Variants in ENKUR observed in about 807,000 individuals in gnomAD.
ENKUR encodes the protein enkurin.
ENKUR carries 19 observed loss-of-function variants against 27.6 expected under a neutral mutation model. That is an observed-to-expected ratio of 0.69 (90% confidence interval 0.48 to 1.01). The LOEUF (loss-of-function observed/expected upper bound fraction) is 1.01, where lower values mean the gene tolerates loss of function less well. ENKUR is among the 50% of genes least tolerant of loss of function. The pLI is 0.00. For missense variants in ENKUR, 312 were observed against 310.5 expected (o/e 1.00, Z -0.04); for synonymous variants, 117 against 96.9 (o/e 1.21, Z -1.22).
At chr10:25,037,415 T>C (rs1056930212) in intron 2 of ENKUR, among the ~76,000 whole-genome samples, 15 of 152,300 alleles carry the variant, frequency 9.8e-5, no homozygotes, top group African/African-American at 3.1e-4. Flanking sequence ...GCAGAGAAAT[T>C]CTGGCTTGGA....
At chr10:25,011,741 A>G (rs1382721227) in intron 1 of ENKUR, among the ~76,000 whole-genome samples, 1 of 152,386 alleles carries the variant, frequency 6.6e-6, no homozygotes, top group East Asian at 1.9e-4. Flanking sequence ...ATGGCAACTT[A>G]TGTTTAAAAG....
chr10:24,999,441 A>G lies in ENKUR; in HGVS notation c.183T>C (p.Asp61=). The G allele has an allele frequency of 6.2e-7, 1 of 1,612,472 alleles. No individual in the cohort carries two copies. The highest frequency in any genetic ancestry group is 8.5e-7 in the Non-Finnish European group (1 of 1,179,542). Residue 61 remains aspartate (D), a synonymous_variant, in exon 2 of 6, where the codon GAT becomes GAC. Transcript: ENST00000331161. ...PAKVEVPSPK[D]FLKKHSKEKT... ...TTTCCTTTGAATGTTTCTTTAGGAA[A>G]TCCTTTGGAGAAGGTACTTCAACTT...
intron 2 of ENKUR, among the ~76,000 whole-genome samples, chr10:25,057,769 T>C (rs552374097): frequency 6.6e-6 from 1 of 152,052 alleles, no homozygotes; most frequent in Non-Finnish European, 1.5e-5. Flanking sequence ...TTGACCAGCA[T>C]TTTTTGTTTA....
upstream of ENKUR, among the ~76,000 whole-genome samples, chr10:25,019,345 G>A (rs1253936502): frequency 1.3e-5 from 2 of 152,060 alleles, no homozygotes; most frequent in African/African-American, 4.8e-5. Context: ...GTGGTGGTGC[G>A]TGCCTTTAGT....
At chr10:25,006,824 A>G (rs1178565666) in intron 1 of ENKUR, among the ~76,000 whole-genome samples, 1 of 152,156 alleles carries the variant, frequency 6.6e-6, no homozygotes, top group African/African-American at 2.4e-5. Flanking sequence ...TTGGTATTAG[A>G]TTTGTGTCTC....
chr10:24,990,679 T>C (rs1588648555), intron 3 of ENKUR, 70 bp from the exon 4 acceptor site: 3 of 1,407,298 alleles, frequency 2.1e-6, no homozygotes, highest in East Asian at 4.6e-5. Flanking sequence ...ACGTATCAAC[T>C]GATGATGGAA....
Position 24,983,672 on chromosome 10 carries a change from G to C in ENKUR, c.*698C>G, listed in dbSNP as rs1381275918. 6.6e-6 allele frequency: 1 copy of C among 151,936 alleles called. No homozygotes were observed. Among genetic ancestry groups the C allele is most frequent in the South Asian group, 2.1e-4 (1 of 4,802 alleles). 9.4% of individuals were successfully genotyped at this position (151,936 alleles called of 1,614,324 possible). On this transcript the variant is annotated 3_prime_UTR_variant, in exon 6 of 6. Coordinates refer to ENST00000331161, the MANE Select transcript of ENKUR (RefSeq NM_145010.4). ...TAACCAAAATAAGCTTTTCTATAAG[G>C]CTTCCAAATTCTGTGTTTGTGAAAA...
intron 1 of ENKUR, among the ~76,000 whole-genome samples, chr10:25,014,775 A>G (rs1431877567): frequency 1.3e-5 from 2 of 152,314 alleles, no homozygotes; most frequent in South Asian, 4.1e-4. Context: ...CTAGATGTTG[A>G]TATGCTAATG....
In ENKUR at chr10:24,984,194, T is replaced by C. The variant is rs1849728062; in HGVS notation, c.*176A>G. ...TCATCATATACAGTGTTACGAATAC[T>C]GAAAATATTTCTCACTGGGAATAAC... On this transcript the variant is annotated 3_prime_UTR_variant, in exon 6 of 6. Coordinates refer to ENST00000331161, the MANE Select transcript of ENKUR (RefSeq NM_145010.4). 2 of 634,986 alleles carry C rather than the reference T, an allele frequency of 3.1e-6. No individual in the cohort carries two copies. The highest frequency in any genetic ancestry group is 1.8e-5 in the African/African-American group (1 of 54,914). The allele number at this position is 634,986 out of a possible 1,614,324, so 39.3% of individuals were successfully genotyped here. A position where few individuals can be genotyped will look rare whatever the true frequency, so the allele number is the denominator to read the frequency against.
intron 1 of ENKUR, among the ~76,000 whole-genome samples, chr10:25,003,004 C>T (rs1850223964): frequency 6.6e-6 from 1 of 151,692 alleles, no homozygotes; most frequent in African/African-American, 2.4e-5. Context: ...GGTATATGAA[C>T]TGAAAGCCTG....
At chr10:25,041,289 C>A (rs1375461331) in intron 2 of ENKUR, among the ~76,000 whole-genome samples, 1 of 152,096 alleles carries the variant, frequency 6.6e-6, no homozygotes, top group Non-Finnish European at 1.5e-5. Flanking sequence ...TGTCCTGTGT[C>A]TTTTTTTCCT....
At chr10:25,034,723 AGTAAT>A (rs755138828) in intron 2 of ENKUR, among the ~76,000 whole-genome samples, 2 of 152,314 alleles carry the variant, frequency 1.3e-5, no homozygotes, top group East Asian at 1.9e-4. Flanking sequence ...TCTCTATTAA[AGTAAT>A]GTAATGTAAT....
chr10:24,988,250 A>ATG (rs1554768756), intron 4 of ENKUR, among the ~76,000 whole-genome samples: 3 of 140,292 alleles, frequency 2.1e-5, no homozygotes. Flanking sequence ...ATATATATAT[A>ATG]TGTGTATATA....
chr10:25,058,930 T>TAA (rs67424973), intron 2 of ENKUR, among the ~76,000 whole-genome samples: 2 of 137,584 alleles, frequency 1.5e-5, no homozygotes, highest in African/African-American at 2.7e-5. Flanking sequence ...GACTCCATCT[T>TAA]AAAAAAAAAA....
chr10:25,050,766 G>C (rs1851179684), intron 2 of ENKUR, among the ~76,000 whole-genome samples: 1 of 152,110 alleles, frequency 6.6e-6, no homozygotes, highest in South Asian at 2.1e-4. Flanking sequence ...CTTAAAAGGA[G>C]GTAATGCTGT....
intron 3 of ENKUR, among the ~76,000 whole-genome samples, chr10:24,993,317 G>A (rs1410163533): frequency 6.6e-6 from 1 of 152,092 alleles, no homozygotes; most frequent in African/African-American, 2.4e-5. Flanking sequence ...CTTTTATTAG[G>A]TGTCACATTT....
intron 2 of ENKUR, 143 bp from the exon 3 acceptor site, chr10:24,996,012 T>G: frequency 1.6e-6 from 1 of 644,288 alleles, no homozygotes; most frequent in South Asian, 3.1e-5. Flanking sequence ...AAGTTTATGC[T>G]TACCCCCAAA....
chr10:24,998,459 C>T (rs1172205213), intron 2 of ENKUR, among the ~76,000 whole-genome samples: 5 of 151,430 alleles, frequency 3.3e-5, no homozygotes, highest in East Asian at 1.9e-4. Context: ...ACTGCAGTTT[C>T]GAACTCTTGG....
intron 2 of ENKUR, chr10:25,023,154 G>T: frequency 2.7e-6 from 4 of 1,457,848 alleles, no homozygotes; most frequent in Admixed American, 4.6e-5. Context: ...GTTGTTTTTT[G>T]TTTGTTTTGT....
Sources: allele counts gnomAD v4.1 joint callset (sites outside exome capture counted in the v4.1 genomes callset), GRCh38; gene constraint gnomAD v4.1.1; transcripts MANE v1.5; gene names NCBI Gene and HGNC (gene_info 2026-07-23, HGNC 2026-07-21).